Variants in MARCHF8 observed in about 807,000 individuals in gnomAD.
The protein encoded by MARCHF8 is E3 ubiquitin-protein ligase MARCHF8.
In MARCHF8, 40 loss-of-function variants were observed where a neutral mutation model predicts 51.6. The observed-to-expected ratio is 0.77, with a 90% CI of 0.60 to 1.01. MARCHF8 has a LOEUF of 1.01. MARCHF8 is among the 50% of genes least tolerant of loss of function. The pLI is 0.00. For missense variants in MARCHF8, 685 were observed against 708.6 expected, an observed-to-expected ratio of 0.97 and a Z score of 0.38; for synonymous variants, 263 against 280.3, an observed-to-expected ratio of 0.94 and a Z score of 0.62.
chr10:45,570,839 CA>C (rs1028387629), intron 1 of MARCHF8, among the ~76,000 whole-genome samples: 4 of 152,066 alleles, frequency 2.6e-5, no homozygotes, highest in Non-Finnish European at 4.4e-5. Flanking sequence ...AAACGTTTCT[CA>C]ATACCAAAAA....
intron 1 of MARCHF8, among the ~76,000 whole-genome samples, chr10:45,552,872 G>A (rs975376747): frequency 6.6e-6 from 1 of 152,154 alleles, no homozygotes; most frequent in African/African-American, 2.4e-5. Context: ...TACTCATTCT[G>A]CAATGGTATA....
At chr10:45,473,816 G>C (rs1310367720) in intron 3 of MARCHF8, among the ~76,000 whole-genome samples, 1 of 152,126 alleles carries the variant, frequency 6.6e-6, no homozygotes, top group Non-Finnish European at 1.5e-5. Context: ...TGCCATGAGA[G>C]CCATCACCCC....
chr10:45,539,604 T>C (rs2044022797), upstream of MARCHF8, among the ~76,000 whole-genome samples: 1 of 151,738 alleles, frequency 6.6e-6, no homozygotes, highest in Admixed American at 6.6e-5. Flanking sequence ...GACAGAAGAA[T>C]CAAATAGAAG....
At chr10:45,576,706 G>A (rs981518267) in intron 1 of MARCHF8, among the ~76,000 whole-genome samples, 4 of 150,860 alleles carry the variant, frequency 2.7e-5, no homozygotes, top group African/African-American at 9.8e-5. Context: ...AGAATTGTTT[G>A]AGCTCAGGAA....
rs565266100 is a variant in MARCHF8, at chr10:45,511,949, G to A, written c.102+21161C>T. On this transcript the variant is annotated intron_variant, in intron 2 of 7. Coordinates refer to ENST00000453424, the MANE Select transcript of MARCHF8 (RefSeq NM_001282866.2). The stretch of plus-strand genomic sequence containing the variant: ...AGCGCCTCTTCCTGGCCGCCATCCC[G>A]TCTAGGAAGTGAGGAGCGTCTCTGC... Among the ~76,000 whole-genome samples, 1,117 of 149,156 alleles carry A rather than the reference G, an allele frequency of 7.5e-3. 8 individuals are homozygous for A. Among genetic ancestry groups the A allele is most frequent in the Middle Eastern group, 0.014 (4 of 286 alleles).
intron 1 of MARCHF8, among the ~76,000 whole-genome samples, chr10:45,550,604 C>CT (rs1419584659): frequency 6.6e-6 from 1 of 152,324 alleles, no homozygotes; most frequent in East Asian, 1.9e-4. Context: ...ATTTGCCTCA[C>CT]TACTCACCTT....
chr10:45,533,038 G>A (rs2043912764), intron 2 of MARCHF8, 72 bp downstream of exon 2: 1 of 1,182,384 alleles, frequency 8.5e-7, no homozygotes, highest in African/African-American at 1.6e-5. Flanking sequence ...TAGAGTTTAA[G>A]CACTGTTCTA....
rs1198304610 is a variant in MARCHF8 at position 45,463,328 on chromosome 10, G to A, written c.911C>T (p.Ser304Phe). ...SGLAGSMGFCSDEMGDDDVFE... is the reference protein window; with the variant it reads ...SGLAGSMGFCFDEMGDDDVFE... ...GACATCGTCGTCTCCCATCTCGTCA[G>A]AGCAGAAGCCCATACTCCCTGCCAG... The change falls in exon 5 of 8, where the codon TCT becomes TTT. Residue 304 changes from serine to phenylalanine, a missense_variant. Transcript: ENST00000453424. The A allele has an allele frequency of 6.4e-7, 1 of 1,550,964 alleles. No homozygotes were observed. Among genetic ancestry groups the A allele is most frequent in the Admixed American group, 2.0e-5 (1 of 51,012 alleles).
chr10:45,469,402 G>C (rs190191962), intron 3 of MARCHF8, among the ~76,000 whole-genome samples: 2 of 152,152 alleles, frequency 1.3e-5, no homozygotes, highest in African/African-American at 4.8e-5. Flanking sequence ...ACAACTTTCC[G>C]ACTTTGGGAT....
At chr10:45,491,559 A>C (rs991958920) in intron 2 of MARCHF8, among the ~76,000 whole-genome samples, 1 of 152,244 alleles carries the variant, frequency 6.6e-6, no homozygotes, top group African/African-American at 2.4e-5. Flanking sequence ...CAACAAAAAA[A>C]GACCAAGTTT....
intron 1 of MARCHF8, among the ~76,000 whole-genome samples, chr10:45,577,207 G>T (rs2133410186): frequency 6.6e-6 from 1 of 152,010 alleles, no homozygotes; most frequent in East Asian, 1.9e-4. Context: ...GTAGAAGGAT[G>T]GTTACTGGAG....
chr10:45,502,746 A>C (rs1028142065), intron 2 of MARCHF8, among the ~76,000 whole-genome samples: 6 of 152,228 alleles, frequency 3.9e-5, no homozygotes, highest in African/African-American at 9.6e-5. Context: ...ACAGACAAAG[A>C]GTAACAACAA....
Position 45,503,919 on chromosome 10 carries a change from A to G in MARCHF8, c.103-14502T>C, listed in dbSNP as rs559589050. 3.3e-5 allele frequency among the ~76,000 whole-genome samples: 5 copies of G among 152,370 alleles called. No individual in the cohort carries two copies. In the South Asian group the frequency reaches 6.2e-4, roughly 19 times the overall value. ...TCCATCTATATAAAATGTCAAAAAT[A>G]GGCAAATCCACAAAGACAAAAAGTA... On this transcript the variant is annotated intron_variant, in intron 2 of 7. Transcript: ENST00000453424.
chr10:45,551,814 T>G (rs1193199177), intron 1 of MARCHF8, among the ~76,000 whole-genome samples: 2 of 151,896 alleles, frequency 1.3e-5, no homozygotes, highest in Non-Finnish European at 2.9e-5. Flanking sequence ...CATCTAGCTA[T>G]CTATCTATAT....
chr10:45,486,657 C>A (rs1433574385), intron 3 of MARCHF8, among the ~76,000 whole-genome samples: 1 of 152,130 alleles, frequency 6.6e-6, no homozygotes, highest in South Asian at 2.1e-4. Context: ...CTGTCCTGGC[C>A]CAATCAACCT....
intron 2 of MARCHF8, among the ~76,000 whole-genome samples, chr10:45,515,888 T>C (rs1282364682): frequency 6.6e-6 from 1 of 152,234 alleles, no homozygotes; most frequent in Non-Finnish European, 1.5e-5. Flanking sequence ...CAGTCTCTAT[T>C]GAAAGCCCTA....
At chr10:45,472,743 G>GT (rs2042715560) in intron 3 of MARCHF8, among the ~76,000 whole-genome samples, 1 of 152,156 alleles carries the variant, frequency 6.6e-6, no homozygotes, top group African/African-American at 2.4e-5. Flanking sequence ...AAACTAAACT[G>GT]TAACAGTCAG....
Position 45,463,735 on chromosome 10 carries a change from A to G in MARCHF8, c.504T>C (p.Thr168=). 1 of 1,551,234 alleles carries G rather than the reference A, an allele frequency of 6.4e-7. No homozygotes were observed. Among genetic ancestry groups the G allele is most frequent in the Non-Finnish European group, 8.7e-7 (1 of 1,147,136 alleles). ...LNDVGEKAQD[T]SESFAYVERT... The stretch of plus-strand genomic sequence containing the variant: ...TTTCCACATAGGCAAAACTTTCTGA[A>G]GTATCCTGCGCCTTCTCACCCACAT... Residue 168 remains threonine, a synonymous_variant, in exon 5 of 8, where the codon ACT becomes ACC. Transcript: ENST00000453424.
intron 1 of MARCHF8, among the ~76,000 whole-genome samples, chr10:45,546,157 T>C (rs2044118885): frequency 6.6e-6 from 1 of 151,486 alleles, no homozygotes; most frequent in Non-Finnish European, 1.5e-5. Flanking sequence ...TTTATTTATT[T>C]ATTTATTTAT....
Sources: allele counts gnomAD v4.1 joint callset (sites outside exome capture counted in the v4.1 genomes callset), GRCh38; gene constraint gnomAD v4.1.1; transcripts MANE v1.5; gene names NCBI Gene and HGNC (gene_info 2026-07-23, HGNC 2026-07-21).